Variants in INPP5F observed in about 807,000 individuals in gnomAD.
The protein encoded by INPP5F is phosphatidylinositide 4-phosphatase SAC2.
A neutral mutation model predicts 137.2 loss-of-function variants in INPP5F; 97 were observed. The observed-to-expected ratio is 0.71, with a 90% confidence interval of 0.60 to 0.84. The LOEUF (loss-of-function observed/expected upper bound fraction) is 0.84, where lower values mean the gene tolerates loss of function less well. Among genes scored for constraint, INPP5F ranks in the 40% least tolerant of loss-of-function variants. The pLI is 0.00. For synonymous variants in INPP5F, 504 were observed against 476.9 expected, an observed-to-expected ratio of 1.06 and a Z score of -0.74; for missense variants, 1,271 against 1,371.9, an observed-to-expected ratio of 0.93 and a Z score of 1.16.
chr10:119,808,755 T>G (rs1454179592), intron 13 of INPP5F, among the ~76,000 whole-genome samples: 2 of 152,230 alleles, frequency 1.3e-5, no homozygotes, highest in Non-Finnish European at 2.9e-5. Flanking sequence ...CAGTAGGAAG[T>G]GTTAGAATTT....
intron 6 of INPP5F, among the ~76,000 whole-genome samples, chr10:119,793,394 T>TAAAACAAAACAAAACAAAACAAAAC: frequency 1.3e-5 from 2 of 149,618 alleles, no homozygotes; most frequent in African/African-American, 4.9e-5. Flanking sequence ...GCAGGCTGCA[T>TAAAACAAAACAAAACAAAACAAAAC]AAAACAAAAC....
At chr10:119,819,250 G>GA (rs1851440809) in intron 15 of INPP5F, 1 of 232,212 alleles carries the variant, frequency 4.3e-6, no homozygotes, top group Non-Finnish European at 6.5e-6. Context: ...TTTTAAAGGG[G>GA]AAGGGTGGGT....
intron 6 of INPP5F, among the ~76,000 whole-genome samples, chr10:119,792,539 T>G (rs1850182746): frequency 6.6e-6 from 1 of 152,006 alleles, no homozygotes; most frequent in Admixed American, 6.6e-5. Flanking sequence ...TGGGAATGTT[T>G]GAGCCCAGTT....
intron 2 of INPP5F, among the ~76,000 whole-genome samples, chr10:119,770,419 G>A (rs946362802): frequency 3.3e-5 from 5 of 152,156 alleles, no homozygotes; most frequent in African/African-American, 1.2e-4. Context: ...GTGAAATTAG[G>A]CCTGATGGAT....
At chr10:119,800,199 G>A (rs1288813848) in intron 9 of INPP5F, among the ~76,000 whole-genome samples, 1 of 152,036 alleles carries the variant, frequency 6.6e-6, no homozygotes, top group Non-Finnish European at 1.5e-5. Context: ...AGTTCACAAA[G>A]TGGTAGAAGA....
intron 1 of INPP5F, among the ~76,000 whole-genome samples, chr10:119,736,415 C>T (rs76407998): frequency 6.6e-6 from 1 of 152,178 alleles, no homozygotes. Flanking sequence ...GTCCTCCTGC[C>T]TCAACCTCCC....
Position 119,799,269 on chromosome 10 carries a change from G to A in INPP5F, c.1116+659G>A, listed in dbSNP as rs191841421. On this transcript the variant is annotated intron_variant, in intron 9 of 19. Coordinates refer to ENST00000650623, the MANE Select transcript of INPP5F (RefSeq NM_014937.4). ...GTGACCAGTGTGAATGAGTAATGCC[G>A]TGGAATGTGTAATGAATAGGTAAAT... 362 of 430,868 alleles carry A rather than the reference G, an allele frequency of 8.4e-4. 1 individual carries two copies. The highest frequency in any genetic ancestry group is 6.6e-3 in the African/African-American group (326 of 49,036). The allele number at this position is 430,868 out of a possible 1,614,324, so 26.7% of individuals were successfully genotyped here.
chr10:119,795,771 A>T (rs1386760744), intron 6 of INPP5F, among the ~76,000 whole-genome samples: 3 of 152,048 alleles, frequency 2.0e-5, no homozygotes, highest in African/African-American at 7.2e-5. Flanking sequence ...ATGCCACTGC[A>T]CTCCAGCCTG....
intron 15 of INPP5F, among the ~76,000 whole-genome samples, chr10:119,813,860 GTC>G (rs1420118248): frequency 6.6e-6 from 1 of 152,130 alleles, no homozygotes; most frequent in Non-Finnish European, 1.5e-5. Context: ...GGTGATTAGA[GTC>G]TCAAATCTTT....
chr10:119,771,765 T>A (rs1040153717), intron 2 of INPP5F, among the ~76,000 whole-genome samples: 5 of 147,144 alleles, frequency 3.4e-5, no homozygotes, highest in African/African-American at 1.3e-4. Flanking sequence ...TGATACAAAG[T>A]GATCTTCCTA....
In INPP5F at chr10:119,796,832, C is replaced by A. The variant is rs377678035; in HGVS notation, c.787C>A (p.Pro263Thr). The stretch of plus-strand genomic sequence containing the variant: ...TGAGAAAAGCAGCCCAGAGACCCCC[C>A]CTCAGGAGTCCACCTGTGTAGATGA... ...DDEKSSPETP[P>T]QESTCVDDIH... Residue 263 changes from proline to threonine, a missense_variant, in exon 7 of 20, where the codon CCT becomes ACT. Physicochemically the swap from Pro to Thr is conservative, Grantham distance 38. Transcript: ENST00000650623. 13 of 1,613,642 alleles carry A rather than the reference C, an allele frequency of 8.1e-6. No individual in the cohort carries two copies. The highest frequency in any genetic ancestry group is 1.1e-5 in the South Asian group (1 of 90,974).
At chr10:119,751,881 C>T (rs34057614) in intron 2 of INPP5F, among the ~76,000 whole-genome samples, 9,490 of 152,246 alleles carry the variant, frequency 0.062, 379 homozygotes, top group South Asian at 0.22. Context: ...TTCCCCTGCC[C>T]TGGGCTCCCA....
chr10:119,728,544 A>G (rs972499041), intron 1 of INPP5F, among the ~76,000 whole-genome samples: 1 of 152,194 alleles, frequency 6.6e-6, no homozygotes, highest in Admixed American at 6.5e-5. Flanking sequence ...ATTTAGCTGA[A>G]TAGATTACTA....
At chr10:119,743,825 C>CA (rs1848447285) in intron 1 of INPP5F, among the ~76,000 whole-genome samples, 1 of 151,998 alleles carries the variant, frequency 6.6e-6, no homozygotes, top group Admixed American at 6.6e-5. Context: ...AATGTTATAC[C>CA]AACTAGACTT....
intron 1 of INPP5F, among the ~76,000 whole-genome samples, chr10:119,734,904 A>G (rs1390987888): frequency 6.8e-6 from 1 of 147,278 alleles, no homozygotes; most frequent in Non-Finnish European, 1.5e-5. Context: ...TGTAAGTCAT[A>G]ATCATTATGT....
chr10:119,782,234 A>T (rs571226505), intron 3 of INPP5F, among the ~76,000 whole-genome samples: 2 of 152,370 alleles, frequency 1.3e-5, no homozygotes, highest in Admixed American at 1.3e-4. Flanking sequence ...GAAGACAGTC[A>T]CTCATCTAAT....
intron 8 of INPP5F, among the ~76,000 whole-genome samples, chr10:119,798,160 A>G (rs1850452885): frequency 2.0e-5 from 3 of 152,130 alleles, no homozygotes; most frequent in Admixed American, 2.0e-4. Context: ...TTGATTTTAA[A>G]AAAAATGTTA....
At chr10:119,735,167 A>G (rs196225) in intron 1 of INPP5F, among the ~76,000 whole-genome samples, 56,820 of 152,022 alleles carry the variant, frequency 0.37, 10,735 homozygotes, top group South Asian at 0.47. Flanking sequence ...GGAGACTCTT[A>G]AGGGATCTGC....
At chr10:119,782,520 A>G (rs1198852861) in intron 3 of INPP5F, among the ~76,000 whole-genome samples, 1 of 152,088 alleles carries the variant, frequency 6.6e-6, no homozygotes, top group African/African-American at 2.4e-5. Flanking sequence ...AGACCCCCCT[A>G]TGAGGTAGAC....
Sources: allele counts gnomAD v4.1 joint callset (sites outside exome capture counted in the v4.1 genomes callset), GRCh38; gene constraint gnomAD v4.1.1; transcripts MANE v1.5; gene names NCBI Gene and HGNC (gene_info 2026-07-23, HGNC 2026-07-21).